WAC: variants seen among roughly 807,000 people sequenced by gnomAD.
WAC encodes WW domain-containing adapter protein with coiled-coil.
WAC carries 11 observed loss-of-function variants against 79.6 expected under a neutral mutation model. The ratio of observed to expected loss-of-function variants is 0.14; its 90% confidence interval spans 0.09 to 0.23. The LOEUF is 0.23. Ranked by LOEUF, WAC falls within the 10% of genes least tolerant of loss-of-function variation. The pLI is 1.00. For synonymous variants in WAC, 304 were observed against 276.9 expected (o/e 1.10, Z -0.97); for missense variants, 728 against 773.5 (o/e 0.94, Z 0.70).
chr10:28,538,370 T>C, intron 3 of WAC: 1 of 256,610 alleles, frequency 3.9e-6, no homozygotes, highest in Non-Finnish European at 8.5e-6. Flanking sequence ...TCACCTGAGG[T>C]CAGGAGTTTG....
chr10:28,595,661 G>A, intron 6 of WAC, 72 bp from the exon 7 acceptor site: 2 of 1,427,786 alleles, frequency 1.4e-6, no homozygotes, highest in Non-Finnish European at 1.9e-6. Context: ...TTAAAGGTAG[G>A]ATTCTAATGT....
At chr10:28,566,791 G>A (rs2132521236) in intron 3 of WAC, among the ~76,000 whole-genome samples, 1 of 152,238 alleles carries the variant, frequency 6.6e-6, no homozygotes, top group Admixed American at 6.5e-5. Context: ...TTTTGTTAAT[G>A]GGTAAAATTC....
chr10:28,533,875 C>A, intron 1 of WAC, 123 bp from the exon 2 acceptor site: 1 of 1,258,172 alleles, frequency 7.9e-7, no homozygotes, highest in Non-Finnish European at 1.1e-6. Context: ...GCGTGCGGGG[C>A]TCGGCGCTGG....
chr10:28,619,070 G>A (rs1046699789), intron 13 of WAC, among the ~76,000 whole-genome samples: 3 of 152,236 alleles, frequency 2.0e-5, no homozygotes, highest in Admixed American at 1.3e-4. Flanking sequence ...CCTGAGGTCA[G>A]GAGTTCAAGA....
intron 3 of WAC, among the ~76,000 whole-genome samples, chr10:28,539,001 T>C (rs529203790): frequency 9.2e-5 from 14 of 152,276 alleles, no homozygotes; most frequent in African/African-American, 2.9e-4. Context: ...TTACTTACTA[T>C]ATGCATTGAA....
At chr10:28,598,143 T>TA (rs1840472700) in intron 7 of WAC, among the ~76,000 whole-genome samples, 1 of 152,232 alleles carries the variant, frequency 6.6e-6, no homozygotes, top group Admixed American at 6.5e-5. Context: ...TTATACCATT[T>TA]AAATTGAATT....
intron 3 of WAC, among the ~76,000 whole-genome samples, chr10:28,568,733 C>T (rs537569293): frequency 6.6e-6 from 1 of 152,200 alleles, no homozygotes; most frequent in South Asian, 2.1e-4. Flanking sequence ...GTGATGTTCC[C>T]CTTATGTCAG....
At chr10:28,572,224 C>G (rs1250958294) in intron 3 of WAC, among the ~76,000 whole-genome samples, 2 of 151,362 alleles carry the variant, frequency 1.3e-5, no homozygotes, top group Non-Finnish European at 2.9e-5. Flanking sequence ...GTAATCCCAG[C>G]TACTTGAGAG....
chr10:28,581,718 G>A (rs1002161050), intron 3 of WAC, among the ~76,000 whole-genome samples: 1 of 151,636 alleles, frequency 6.6e-6, no homozygotes, highest in Non-Finnish European at 1.5e-5. Flanking sequence ...ACACCACCAC[G>A]TCCAGCTAAC....
At chr10:28,577,204 T>A (rs1289695013) in intron 3 of WAC, among the ~76,000 whole-genome samples, 2 of 152,230 alleles carry the variant, frequency 1.3e-5, no homozygotes, top group African/African-American at 2.4e-5. Flanking sequence ...AGAATGATAT[T>A]ATTATAAACT....
rs1837034117 is a variant in WAC, at chr10:28,541,423, T to TG, written c.274+5666_274+5667insG. 4.4e-5 allele frequency among the ~76,000 whole-genome samples: 6 copies of TG among 136,150 alleles called. No homozygotes were observed. In the Admixed American group the frequency reaches 4.4e-4, roughly 10 times the overall value. The allele number at this position is 136,150 out of a possible 152,430, so 89.3% of individuals were successfully genotyped here. A position where few individuals can be genotyped will look rare whatever the true frequency, so the allele number is the denominator to read the frequency against. On this transcript the variant is annotated intron_variant, in intron 3 of 13. Coordinates refer to ENST00000354911, the MANE Select transcript of WAC (RefSeq NM_016628.5). ...GGGTTGTGTGTGTGTGTGTTTTGTT[T>TG]TTTTTTTTTTTTTTTTTTTTTTTAA...
At chr10:28,536,859 T>C (rs1836707243) in intron 3 of WAC, among the ~76,000 whole-genome samples, 1 of 152,236 alleles carries the variant, frequency 6.6e-6, no homozygotes, top group African/African-American at 2.4e-5. Context: ...AGATAACATA[T>C]CTTAAGCAGA....
At chr10:28,534,163 G>A in intron 2 of WAC, 129 bp downstream of exon 2, 3 of 897,334 alleles carry the variant, frequency 3.3e-6, no homozygotes, top group Non-Finnish European at 1.6e-6. Flanking sequence ...CTAGCACCGC[G>A]GATCCCCTTA....
intron 3 of WAC, among the ~76,000 whole-genome samples, chr10:28,548,400 C>G (rs1056736081): frequency 6.6e-6 from 1 of 152,068 alleles, no homozygotes; most frequent in Admixed American, 6.6e-5. Context: ...TTCTACTTCT[C>G]TTTTGCCTGG....
rs1738266249 is a variant in WAC at position 28,620,308 on chromosome 10, A to G, written c.*702A>G. On this transcript the variant is annotated 3_prime_UTR_variant, in exon 14 of 14. Coordinates refer to ENST00000354911, the MANE Select transcript of WAC (RefSeq NM_016628.5). ...TTCATTCCTGTGTACAGTAGCTTAA[A>G]ATTGCAGTGATTGAGCATAACCTAC... 1 of 152,640 alleles carries G rather than the reference A, an allele frequency of 6.6e-6. No homozygotes were observed. The highest frequency in any genetic ancestry group is 1.5e-5 in the Non-Finnish European group (1 of 68,054). 9.5% of individuals were successfully genotyped at this position (152,640 alleles called of 1,614,324 possible). A position where few individuals can be genotyped will look rare whatever the true frequency, so the allele number is the denominator to read the frequency against.
Position 28,619,763 on chromosome 10 carries a change from AG to A in WAC, c.*158del, listed in dbSNP as rs1255278169. On this transcript the variant is annotated 3_prime_UTR_variant, in exon 14 of 14. Transcript: ENST00000354911. ...GTCTGTGAGAGTCAATTCAGGGGAA[AG>A]ATACAAGATTGATTTGTAAAACCCT... is the stretch of plus-strand genomic sequence containing the variant. 15 of 533,392 alleles carry A rather than the reference AG, an allele frequency of 2.8e-5. No homozygotes were observed. The Admixed American group carries it at 3.2e-4, about 11-fold the overall frequency. The allele number at this position is 533,392 out of a possible 1,614,324, so 33.0% of individuals were successfully genotyped here. A position where few individuals can be genotyped will look rare whatever the true frequency, so the allele number is the denominator to read the frequency against.
chr10:28,564,320 G>T (rs1279906249), intron 3 of WAC, among the ~76,000 whole-genome samples: 1 of 152,152 alleles, frequency 6.6e-6, no homozygotes, highest in Admixed American at 6.5e-5. Flanking sequence ...AATGTCCTGT[G>T]GTCAGATACT....
intron 3 of WAC, among the ~76,000 whole-genome samples, chr10:28,574,950 G>T (rs761759678): frequency 6.6e-6 from 1 of 151,696 alleles, no homozygotes; most frequent in African/African-American, 2.4e-5. Flanking sequence ...TTGAATGAAT[G>T]AATGAATCAA....
chr10:28,605,747 C>T (rs1423534791), intron 7 of WAC, among the ~76,000 whole-genome samples: 1 of 152,046 alleles, frequency 6.6e-6, no homozygotes, highest in Non-Finnish European at 1.5e-5. Flanking sequence ...TTTCATGTCT[C>T]GTAGATTTGG....
Sources: allele counts gnomAD v4.1 joint callset (sites outside exome capture counted in the v4.1 genomes callset), GRCh38; gene constraint gnomAD v4.1.1; transcripts MANE v1.5; gene names NCBI Gene and HGNC (gene_info 2026-07-23, HGNC 2026-07-21).